The following CDH12 variants were observed in gnomAD, a reference collection of about 807,000 sequenced individuals.
CDH12 encodes cadherin 12.
CDH12 carries 41 observed loss-of-function variants against 74.1 expected under a neutral mutation model. That is an observed-to-expected ratio of 0.55 (90% CI 0.43 to 0.72). The LOEUF (loss-of-function observed/expected upper bound fraction) is 0.72, where lower values mean the gene tolerates loss of function less well. CDH12 is among the 30% of genes least tolerant of loss of function. The pLI is 0.00. For synonymous variants in CDH12, 399 were observed against 355.0 expected, an observed-to-expected ratio of 1.12 and a Z score of -1.39; for missense variants, 945 against 977.2, an observed-to-expected ratio of 0.97 and a Z score of 0.44.
chr5:22,452,788 C>T (rs977081474), intron 2 of CDH12, among the ~76,000 whole-genome samples: 2 of 145,418 alleles, frequency 1.4e-5, no homozygotes, highest in Non-Finnish European at 3.0e-5. Context: ...AAGATACAAC[C>T]TATGGAATGG....
At chr5:22,351,195 T>C (rs1445201741) in intron 3 of CDH12, among the ~76,000 whole-genome samples, 2 of 152,098 alleles carry the variant, frequency 1.3e-5, no homozygotes, top group African/African-American at 4.8e-5. Flanking sequence ...GTGGATTGAA[T>C]GAAGAAAATA....
intron 5 of CDH12, among the ~76,000 whole-genome samples, chr5:22,046,430 C>CTT (rs11323330): frequency 0.022 from 2,210 of 100,268 alleles, 105 homozygotes; most frequent in African/African-American, 0.058. Context: ...CATTTAATTT[C>CTT]TTTTTTTTTT....
At chr5:21,832,829 A>G (rs1264795093) in intron 8 of CDH12, among the ~76,000 whole-genome samples, 1 of 114,572 alleles carries the variant, frequency 8.7e-6, no homozygotes, top group Admixed American at 1.2e-4. Context: ...GATATATATT[A>G]TAATAATATA....
chr5:21,879,237 A>C (rs1015121962), intron 6 of CDH12, among the ~76,000 whole-genome samples: 1 of 151,806 alleles, frequency 6.6e-6, no homozygotes, highest in African/African-American at 2.4e-5. Context: ...CCCACTGAAA[A>C]CAAATTAAAA....
At chr5:22,824,027 T>A (rs969063042) in intron 1 of CDH12, among the ~76,000 whole-genome samples, 1 of 152,134 alleles carries the variant, frequency 6.6e-6, no homozygotes, top group African/African-American at 2.4e-5. Context: ...TAAATTCATA[T>A]AATAATGATA....
intron 5 of CDH12, among the ~76,000 whole-genome samples, chr5:22,038,448 T>C (rs996099692): frequency 6.6e-6 from 1 of 152,130 alleles, no homozygotes; most frequent in African/African-American, 2.4e-5. Flanking sequence ...TGCTGCATCC[T>C]GCACATCAGG....
intron 1 of CDH12, among the ~76,000 whole-genome samples, chr5:22,622,219 A>C (rs1490959873): frequency 6.6e-6 from 1 of 152,180 alleles, no homozygotes; most frequent in Non-Finnish European, 1.5e-5. Context: ...TAAATAAGCT[A>C]TTACTAATAT....
intron 2 of CDH12, among the ~76,000 whole-genome samples, chr5:22,467,581 G>A (rs1378497844): frequency 2.0e-5 from 3 of 152,220 alleles, no homozygotes; most frequent in South Asian, 4.2e-4. Context: ...ATGAGGGGAG[G>A]GACTTGGTCT....
chr5:22,148,276 G>A (rs1024265995), intron 4 of CDH12, among the ~76,000 whole-genome samples: 2 of 152,104 alleles, frequency 1.3e-5, no homozygotes, highest in African/African-American at 2.4e-5. Context: ...AGTATTTGCT[G>A]CATTTCCAAA....
chr5:22,638,330 A>C (rs748542016), intron 1 of CDH12, among the ~76,000 whole-genome samples: 2 of 152,128 alleles, frequency 1.3e-5, no homozygotes, highest in Non-Finnish European at 2.9e-5. Flanking sequence ...CTGTGGCCAA[A>C]GGCCCAAGAG....
intron 5 of CDH12, among the ~76,000 whole-genome samples, chr5:22,009,939 C>CA (rs774589642): frequency 0.13 from 6,748 of 53,780 alleles, 260 homozygotes; most frequent in East Asian, 0.17. Context: ...GAAACTGTCT[C>CA]AAAAAAAAAA....
chr5:22,756,098 G>GAAAAAAAAAAAAAAAAAAAA (rs60067455), intron 1 of CDH12, among the ~76,000 whole-genome samples: 13 of 87,324 alleles, frequency 1.5e-4, no homozygotes, highest in South Asian at 4.2e-4. Flanking sequence ...TTCAAGGACC[G>GAAAAAAAAAAAAAAAAAAAA]AAAAAAAAAA....
At chr5:22,140,509 T>C (rs1170940406) in intron 4 of CDH12, among the ~76,000 whole-genome samples, 1 of 152,144 alleles carries the variant, frequency 6.6e-6, no homozygotes, top group Non-Finnish European at 1.5e-5. Flanking sequence ...TTTTCACAAC[T>C]GCCTCTGTGC....
At chr5:22,007,681 C>A (rs191838606) in intron 5 of CDH12, among the ~76,000 whole-genome samples, 253 of 152,226 alleles carry the variant, frequency 1.7e-3, no homozygotes, top group African/African-American at 6.0e-3. Context: ...TATAGAGATG[C>A]AAACCGAAAA....
intron 1 of CDH12, among the ~76,000 whole-genome samples, chr5:22,776,149 C>T (rs1379466103): frequency 1.3e-5 from 2 of 152,090 alleles, no homozygotes; most frequent in Admixed American, 1.3e-4. Flanking sequence ...TGTTCAGGAA[C>T]GGTCAGCATG....
At chr5:22,219,422 T>G (rs920850675) in intron 3 of CDH12, among the ~76,000 whole-genome samples, 4 of 151,748 alleles carry the variant, frequency 2.6e-5, no homozygotes, top group Non-Finnish European at 4.4e-5. Flanking sequence ...TTATACTGAC[T>G]GTAATACCCA....
chr5:22,487,530 A>T (rs530860657), intron 2 of CDH12, among the ~76,000 whole-genome samples: 1 of 152,328 alleles, frequency 6.6e-6, no homozygotes, highest in Admixed American at 6.5e-5. Flanking sequence ...AGTAATAGAT[A>T]CAAGGATATA....
chr5:22,316,248 A>C (rs1432510339), intron 3 of CDH12, among the ~76,000 whole-genome samples: 1 of 150,258 alleles, frequency 6.7e-6, no homozygotes, highest in Non-Finnish European at 1.5e-5. Flanking sequence ...TTGGTTTTGT[A>C]TTATGCTATT....
At chr5:21,926,064 A>G (rs2355259) in intron 6 of CDH12, among the ~76,000 whole-genome samples, 114,542 of 152,034 alleles carry the variant, frequency 0.75, 45,466 homozygotes, top group East Asian at 0.93. Flanking sequence ...CTTTCATCTC[A>G]CTTGAAAGTT....
Sources: allele counts gnomAD v4.1 joint callset (sites outside exome capture counted in the v4.1 genomes callset), GRCh38; gene constraint gnomAD v4.1.1; transcripts MANE v1.5; gene names NCBI Gene and HGNC (gene_info 2026-07-23, HGNC 2026-07-21).